The following CUBN variants were observed in gnomAD, a reference collection of about 807,000 sequenced individuals.
The protein encoded by CUBN is 460 kDa receptor.
In CUBN, 282 loss-of-function variants were observed where a neutral mutation model predicts 405.3. That is an observed-to-expected ratio of 0.70 (90% CI 0.63 to 0.77). The LOEUF (loss-of-function observed/expected upper bound fraction) is 0.77, where lower values mean the gene tolerates loss of function less well. Ranked by LOEUF, CUBN falls within the 30% of genes least tolerant of loss-of-function variation. The probability of loss-of-function intolerance (pLI) is 0.00; values close to 1 mark genes in which losing one functional copy is unlikely to be tolerated. For missense variants in CUBN, 4,514 were observed against 4,475.2 expected (o/e 1.01, Z -0.25); for synonymous variants, 1,684 against 1,617.0 (o/e 1.04, Z -0.99).
chr10:16,923,483 G>T (rs745953107), intron 43 of CUBN, among the ~76,000 whole-genome samples: 1 of 152,162 alleles, frequency 6.6e-6, no homozygotes, highest in South Asian at 2.1e-4. Context: ...GAAGTAGAAG[G>T]CTGGCTATAG....
At chr10:17,048,020 C>G (rs1835179133) in intron 22 of CUBN, among the ~76,000 whole-genome samples, 1 of 152,176 alleles carries the variant, frequency 6.6e-6, no homozygotes, top group African/African-American at 2.4e-5. Context: ...AAGCAGGTAC[C>G]TCCACCACGG....
At chr10:16,928,532 C>CCT (rs1403918589) in intron 40 of CUBN, among the ~76,000 whole-genome samples, 1,218 of 107,012 alleles carry the variant, frequency 0.011, 4 homozygotes, top group African/African-American at 0.014. Flanking sequence ...CCACCCCCCC[C>CCT]TTTTTTTTTT....
In CUBN at chr10:16,890,489, TA is replaced by T; in HGVS notation, c.8636del (p.Leu2879GlnfsTer66). On this transcript the variant is annotated frameshift_variant, in exon 55 of 67. Coordinates refer to ENST00000377833, the MANE Select transcript of CUBN (RefSeq NM_001081.4). LOFTEE classifies it high-confidence loss of function. Reference protein sequence around the residue: ...AGTEEVDKALLATGCGNVAPG... With the variant: ...AGTEEVDKALXATGCGNVAPG... ...GAGCCACGTTCCCACAGCCAGTGGCTAGCAGGGCTTTGTCCACCTCCTCAGT... is the reference window on the plus strand; with the variant it reads ...GAGCCACGTTCCCACAGCCAGTGGCTGCAGGGCTTTGTCCACCTCCTCAGT... 6.2e-7 allele frequency: 1 copy of T among 1,614,188 alleles called. No homozygotes were observed. Among genetic ancestry groups the T allele is most frequent in the Admixed American group, 1.7e-5 (1 of 60,022 alleles).
chr10:16,895,811 G>C (rs1319595191), intron 54 of CUBN, among the ~76,000 whole-genome samples: 2 of 152,074 alleles, frequency 1.3e-5, no homozygotes, highest in Non-Finnish European at 2.9e-5. Flanking sequence ...TTATCACTTA[G>C]ATCATGTTTT....
intron 62 of CUBN, among the ~76,000 whole-genome samples, chr10:16,837,562 C>A (rs1839210335): frequency 6.6e-6 from 1 of 152,020 alleles, no homozygotes; most frequent in Non-Finnish European, 1.5e-5. Flanking sequence ...ATAGACAAGC[C>A]ATTAAACACC....
chr10:16,982,048 G>A (rs1833290802), intron 31 of CUBN, among the ~76,000 whole-genome samples: 1 of 152,170 alleles, frequency 6.6e-6, no homozygotes, highest in Admixed American at 6.5e-5. Context: ...GATCTCTTTT[G>A]TAGTCAGTTC....
At chr10:17,062,046 A>T (rs1055609982) in intron 22 of CUBN, among the ~76,000 whole-genome samples, 3 of 152,182 alleles carry the variant, frequency 2.0e-5, no homozygotes, top group East Asian at 1.9e-4. Flanking sequence ...TACCCTAAAA[A>T]ATACATTTAC....
chr10:16,862,160 T>TCTCTCTCACACACACACACACA (rs144560387), intron 59 of CUBN, among the ~76,000 whole-genome samples: 2 of 131,204 alleles, frequency 1.5e-5, no homozygotes, highest in African/African-American at 6.5e-5. Context: ...TCTCTCTCTC[T>TCTCTCTCACACACACACACACA]CACACACACA....
In CUBN at chr10:16,889,935, C is replaced by CAAAAAAAAA. The variant is rs1554788544; in HGVS notation, c.8755+427_8755+435dup. ...CTGGCGACAGAGTGAGACGCCGTGT[C>CAAAAAAAAA]AAAAAAAAAAAAAAAAAACAGGAAA... On this transcript the variant is annotated intron_variant, in intron 55 of 66. Transcript: ENST00000377833. Among the ~76,000 whole-genome samples the CAAAAAAAAA allele has an allele frequency of 6.5e-4, 13 of 19,908 alleles. 1 individual carries two copies. Among genetic ancestry groups the CAAAAAAAAA allele is most frequent in the African/African-American group, 2.3e-3 (11 of 4,830 alleles). 13.1% of individuals were successfully genotyped at this position (19,908 alleles called of 152,430 possible). A position where few individuals can be genotyped will look rare whatever the true frequency, so the allele number is the denominator to read the frequency against.
At chr10:16,829,175 C>T (rs2131300325) in intron 65 of CUBN, 135 bp from the exon 66 acceptor site, 2 of 723,492 alleles carry the variant, frequency 2.8e-6, no homozygotes, top group Non-Finnish European at 4.9e-6. Context: ...ATCCCTTTTC[C>T]TTTTCCTCTT....
At chr10:16,826,814 A>C (rs1308971704) in intron 66 of CUBN, among the ~76,000 whole-genome samples, 2 of 152,072 alleles carry the variant, frequency 1.3e-5, no homozygotes, top group Admixed American at 6.5e-5. Context: ...TTTCCACCTT[A>C]TGGGAGTGTC....
At chr10:17,129,591 T>G (rs1316130146) in intron 1 of CUBN, 53 bp downstream of exon 1, 1 of 1,612,226 alleles carries the variant, frequency 6.2e-7, no homozygotes. Flanking sequence ...TTGGGAAAAC[T>G]GGTGAGGAAT....
Position 16,915,148 on chromosome 10 carries a change from C to T in CUBN, c.7235G>A (p.Gly2412Glu), listed in dbSNP as rs759319593. The T allele has an allele frequency of 2.9e-5, 46 of 1,613,836 alleles. No individual in the cohort carries two copies. Among genetic ancestry groups the T allele is most frequent in the South Asian group, 1.1e-4 (10 of 91,070 alleles). ...GTCTATGCTGTCAGGAATGGTGTTT[C>T]CACAGTATCTGCCCAAGATGTTTCC... The part of the protein sequence containing the change: ...TSGNILGRYC[G>E]NTIPDSIDTS... The change falls in exon 47 of 67, where the codon GGA (glycine) becomes GAA (glutamate). Residue 2412 changes from glycine to glutamate, a missense_variant. Transcript: ENST00000377833.
chr10:17,103,396 A>C (rs1474008296), intron 12 of CUBN, among the ~76,000 whole-genome samples, 159 bp from the exon 13 acceptor site: 1 of 152,158 alleles, frequency 6.6e-6, no homozygotes, highest in African/African-American at 2.4e-5. Flanking sequence ...TTTTTCTGTC[A>C]ACTTCCATAG....
At chr10:16,895,347 A>C (rs537059715) in intron 54 of CUBN, among the ~76,000 whole-genome samples, 294 of 140,910 alleles carry the variant, frequency 2.1e-3, no homozygotes, top group African/African-American at 8.7e-3. Flanking sequence ...ATACACACAC[A>C]CACACACACA....
intron 9 of CUBN, among the ~76,000 whole-genome samples, chr10:17,110,182 G>T (rs989390437): frequency 2.6e-5 from 4 of 152,200 alleles, no homozygotes; most frequent in Admixed American, 6.5e-5. Flanking sequence ...GAGAATAGCA[G>T]AAAAGACTTC....
intron 54 of CUBN, among the ~76,000 whole-genome samples, chr10:16,897,575 T>C (rs539832217): frequency 6.6e-6 from 1 of 152,256 alleles, no homozygotes; most frequent in Non-Finnish European, 1.5e-5. Flanking sequence ...ACAAAGAGGC[T>C]TCCCAGACTG....
rs1232149893 is a variant in CUBN at position 16,903,995 on chromosome 10, A to G, written c.8033T>C (p.Ile2678Thr). 1.2e-6 allele frequency: 2 copies of G among 1,612,694 alleles called. No individual in the cohort carries two copies. The highest frequency in any genetic ancestry group is 2.2e-5 in the East Asian group (1 of 44,834). Reference sequence around the variant, plus strand: ...AAAGGAATACTTTGCATGGAATCCAATGTGTTCTACACGTTCGTTGGTGAC... The same window carrying G: ...AAAGGAATACTTTGCATGGAATCCAGTGTGTTCTACACGTTCGTTGGTGAC... ...HFVTNERVEH[I>T]GFHAKYSFTD... The change falls in exon 51 of 67, where the codon ATT (isoleucine) becomes ACT (threonine). Residue 2678 changes from isoleucine to threonine, a missense_variant. Transcript: ENST00000377833.
At chr10:16,871,567 T>C (rs1393588828) in intron 58 of CUBN, among the ~76,000 whole-genome samples, 1 of 152,050 alleles carries the variant, frequency 6.6e-6, no homozygotes. Context: ...TGATTTTCTT[T>C]TACCACATTT....
Sources: allele counts gnomAD v4.1 joint callset (sites outside exome capture counted in the v4.1 genomes callset), GRCh38; gene constraint gnomAD v4.1.1; transcripts MANE v1.5; gene names NCBI Gene and HGNC (gene_info 2026-07-23, HGNC 2026-07-21).